Variants in NXPE2 observed in about 807,000 individuals in gnomAD.
The protein encoded by NXPE2 is NXPE family member 2.
NXPE2 carries 34 observed loss-of-function variants against 34.4 expected under a neutral mutation model. That is an observed-to-expected ratio of 0.99 (90% CI 0.75 to 1.31). NXPE2 has a LOEUF of 1.31. Among genes scored for constraint, NXPE2 ranks in the 40% most tolerant of loss-of-function variants. The probability of loss-of-function intolerance (pLI) is 0.00; values close to 1 mark genes in which losing one functional copy is unlikely to be tolerated. For synonymous variants in NXPE2, 235 were observed against 231.3 expected (o/e 1.02, Z -0.15); for missense variants, 649 against 672.5 (o/e 0.97, Z 0.39).
At chr11:114,606,702 G>C in the NXPE2 span, among the ~76,000 whole-genome samples, 1 of 150,962 alleles carries the variant, frequency 6.6e-6, no homozygotes, top group African/African-American at 2.4e-5. Context: ...TACCCGGAGG[G>C]TAATAAGGAC....
At chr11:114,803,570 G>GTCTC in the NXPE2 span, among the ~76,000 whole-genome samples, 288 of 144,966 alleles carry the variant, frequency 2.0e-3, 1 homozygote, top group Middle Eastern at 0.017. Context: ...ACTCCCTCAG[G>GTCTC]TCTCTCTCTC....
chr11:114,660,494 T>C, the NXPE2 span, among the ~76,000 whole-genome samples: 7 of 151,984 alleles, frequency 4.6e-5, no homozygotes, highest in African/African-American at 1.7e-4. Flanking sequence ...ACCATATCAT[T>C]AGGCTAAAGA....
chr11:114,759,877 T>C, the NXPE2 span, among the ~76,000 whole-genome samples: 1 of 152,324 alleles, frequency 6.6e-6, no homozygotes, highest in Admixed American at 6.5e-5. Context: ...AGATTTTAAT[T>C]CTCCTTTCAA....
In NXPE2 at chr11:114,698,428, C is replaced by T. The variant is rs368739261; in HGVS notation, c.516C>T (p.Asn172=). 213 of 1,613,772 alleles carry T rather than the reference C, an allele frequency of 1.3e-4. No homozygotes were observed. Among genetic ancestry groups the T allele is most frequent in the East Asian group, 3.6e-4 (16 of 44,876 alleles). The change falls in exon 3 of 6, where the codon AAC becomes AAT. Residue 172 remains asparagine (N), a synonymous_variant. Coordinates refer to ENST00000389586, the MANE Select transcript of NXPE2 (RefSeq NM_182495.6). ...CAGGAAAGGTGACTGACTTCAACAA[C>T]GGCACCTACCTGGTCAGCTTCACTC... ...GASGKVTDFN[N]GTYLVSFTLF...
the NXPE2 span, chr11:114,530,537 C>A: frequency 1.9e-6 from 3 of 1,613,852 alleles, no homozygotes; most frequent in African/African-American, 4.0e-5. Context: ...TGTTGAAGTC[C>A]ATCACCTTTC....
At chr11:114,755,869 A>G in the NXPE2 span, among the ~76,000 whole-genome samples, 5 of 152,174 alleles carry the variant, frequency 3.3e-5, no homozygotes, top group African/African-American at 9.7e-5. Context: ...AATGAAGAAT[A>G]CTACCTCCCT....
the NXPE2 span, among the ~76,000 whole-genome samples, chr11:114,505,567 A>G: frequency 3.9e-5 from 6 of 152,306 alleles, no homozygotes; most frequent in African/African-American, 1.2e-4. Context: ...TTGAGGGTCA[A>G]TATTCAAAAT....
chr11:114,495,567 C>T, the NXPE2 span, among the ~76,000 whole-genome samples: 1 of 151,648 alleles, frequency 6.6e-6, no homozygotes, highest in East Asian at 2.0e-4. Context: ...TCCTTCTTTC[C>T]TCAAGCAGAA....
the NXPE2 span, among the ~76,000 whole-genome samples, chr11:114,634,838 T>C: frequency 3.9e-5 from 6 of 152,050 alleles, no homozygotes; most frequent in South Asian, 4.1e-4. Flanking sequence ...TGTTTTGGTA[T>C]CAGTGCTATG....
chr11:114,788,157 T>A, the NXPE2 span, among the ~76,000 whole-genome samples: 1 of 152,136 alleles, frequency 6.6e-6, no homozygotes, highest in African/African-American at 2.4e-5. Flanking sequence ...GAAGCATCAA[T>A]AACATCAATA....
the NXPE2 span, among the ~76,000 whole-genome samples, chr11:114,562,653 A>G: frequency 6.6e-6 from 1 of 152,224 alleles, no homozygotes; most frequent in South Asian, 2.1e-4. Flanking sequence ...TCCAGAGTCA[A>G]GTTGACTTTA....
the NXPE2 span, among the ~76,000 whole-genome samples, chr11:114,622,520 T>C: frequency 8.9e-4 from 135 of 152,308 alleles, no homozygotes; most frequent in African/African-American, 3.2e-3. Context: ...TATTGCCTCA[T>C]GGGTAACCAC....
At chr11:114,513,076 A>G in the NXPE2 span, 3 of 504,138 alleles carry the variant, frequency 6.0e-6, no homozygotes, top group East Asian at 5.1e-5. Flanking sequence ...GTTAGGTGCC[A>G]TTGTTGAAGT....
chr11:114,767,448 T>A, the NXPE2 span, among the ~76,000 whole-genome samples: 1 of 152,214 alleles, frequency 6.6e-6, no homozygotes, highest in Non-Finnish European at 1.5e-5. Context: ...AAGTCCATTC[T>A]GATCCACATG....
chr11:114,629,428 TA>T, the NXPE2 span, among the ~76,000 whole-genome samples: 4 of 151,364 alleles, frequency 2.6e-5, no homozygotes, highest in Non-Finnish European at 4.4e-5. Context: ...ACCACATGAT[TA>T]TCTCAATAGA....
the NXPE2 span, among the ~76,000 whole-genome samples, chr11:114,806,360 G>A: frequency 3.9e-5 from 6 of 152,340 alleles, no homozygotes; most frequent in African/African-American, 1.4e-4. Flanking sequence ...ACTTGGACGA[G>A]TTGAGAGAAG....
chr11:114,647,506 T>C, the NXPE2 span, among the ~76,000 whole-genome samples: 2 of 152,172 alleles, frequency 1.3e-5, no homozygotes, highest in Non-Finnish European at 2.9e-5. Context: ...ACTAACTATG[T>C]AAGTTTCCTG....
At chr11:114,632,780 T>G in the NXPE2 span, among the ~76,000 whole-genome samples, 69 of 42,160 alleles carry the variant, frequency 1.6e-3, 1 homozygote, top group Middle Eastern at 0.042. Flanking sequence ...AATTATATAT[T>G]ATATATTATA....
At chr11:114,636,551 T>A in the NXPE2 span, among the ~76,000 whole-genome samples, 2 of 151,718 alleles carry the variant, frequency 1.3e-5, no homozygotes, top group Non-Finnish European at 3.0e-5. Context: ...TTAATTGTGA[T>A]GTTAGGGTGT....
Sources: gnomAD v4.1 joint callset for allele counts (sites outside exome capture counted in the v4.1 genomes callset) on GRCh38, gnomAD v4.1.1 for gene constraint, MANE v1.5 for transcripts, NCBI Gene and HGNC (gene_info 2026-07-23, HGNC 2026-07-21) for gene names.